SPATS1: variants seen among roughly 807,000 people sequenced by gnomAD.
SPATS1 encodes the protein spermatogenesis-associated serine-rich protein 1.
Under a neutral mutation model 33.6 loss-of-function variants are expected in SPATS1, and 23 were observed. The ratio of observed to expected loss-of-function variants is 0.68; its 90% CI spans 0.49 to 0.97. The LOEUF is 0.97. Ranked by LOEUF, SPATS1 falls within the 50% of genes least tolerant of loss-of-function variation. The pLI, the probability that SPATS1 is intolerant of heterozygous loss-of-function variation, is 0.00. For missense variants in SPATS1, 327 were observed against 361.0 expected (o/e 0.91, Z 0.76); for synonymous variants, 131 against 125.6 (o/e 1.04, Z -0.29).
intron 7 of SPATS1, among the ~76,000 whole-genome samples, chr6:44,373,133 G>T (rs1417271237): frequency 1.3e-5 from 2 of 152,140 alleles, no homozygotes. Flanking sequence ...TTTTTGTAAA[G>T]TTCCTTCTTC....
chr6:44,376,823 C>T (rs1248712873), intron 8 of SPATS1, among the ~76,000 whole-genome samples: 1 of 151,082 alleles, frequency 6.6e-6, no homozygotes, highest in Admixed American at 6.6e-5. Context: ...ACAAACAAAA[C>T]AAAACTGGAG....
At chr6:44,361,729 T>C in intron 4 of SPATS1, 102 bp from the exon 5 acceptor site, 2 of 1,466,958 alleles carry the variant, frequency 1.4e-6, no homozygotes, top group East Asian at 2.3e-5. Context: ...ATTAAAGTTA[T>C]ATAGCCAGAT....
At chr6:44,361,771 A>G in intron 4 of SPATS1, 60 bp from the exon 5 acceptor site, 1 of 1,605,560 alleles carries the variant, frequency 6.2e-7, no homozygotes, top group Non-Finnish European at 8.5e-7. Context: ...GCTTTTTGTC[A>G]TCCAGTTGCA....
intron 3 of SPATS1, among the ~76,000 whole-genome samples, chr6:44,358,492 T>G (rs1788720809): frequency 6.6e-6 from 1 of 152,236 alleles, no homozygotes; most frequent in African/African-American, 2.4e-5. Context: ...TACTTATTGA[T>G]TTTTTATTTG....
At chr6:44,342,963 G>T (rs748871132) in intron 1 of SPATS1, 133 bp from the exon 2 acceptor site, 8 of 1,289,648 alleles carry the variant, frequency 6.2e-6, no homozygotes, top group Non-Finnish European at 8.5e-6. Flanking sequence ...TAAGGCTCCC[G>T]TTTAGAGGCC....
In SPATS1 at chr6:44,380,047, G is replaced by C. The variant is rs558422224; in HGVS notation, c.*2984G>C. 4.7e-4 allele frequency among the ~76,000 whole-genome samples: 71 copies of C among 152,222 alleles called. 1 individual carries two copies. The highest frequency in any genetic ancestry group is 1.7e-3 in the African/African-American group (71 of 41,548). ...CAAAGGCATAGAGAAAGGCCACATG[G>C]GAAAAATATGTGCATATCATAGCTG... On this transcript the variant is annotated 3_prime_UTR_variant, in exon 9 of 9. Transcript: ENST00000674044.
chr6:44,373,765 G>A (rs997788643), intron 7 of SPATS1, among the ~76,000 whole-genome samples: 1 of 152,212 alleles, frequency 6.6e-6, no homozygotes, highest in African/African-American at 2.4e-5. Context: ...ATTACTTATT[G>A]AAAAGGTCCC....
intron 8 of SPATS1, 134 bp downstream of exon 8, chr6:44,376,607 C>T: frequency 1.7e-6 from 1 of 595,808 alleles, no homozygotes; most frequent in Non-Finnish European, 2.9e-6. Context: ...CAAGACAAGC[C>T]TGACCAACAT....
chr6:44,377,998 C>T lies in SPATS1; in HGVS notation c.*935C>T, dbSNP rs1404755330. ...GGTAAAACTTTTCATTTTATTAATA[C>T]CTTTTGGAATGTTTCTCTAATGTTA... On this transcript the variant is annotated 3_prime_UTR_variant, in exon 9 of 9. Coordinates refer to ENST00000674044, the MANE Select transcript of SPATS1 (RefSeq NM_001372081.1). The T allele has an allele frequency of 6.6e-6, 1 of 152,090 alleles. No homozygotes were observed. Among genetic ancestry groups the T allele is most frequent in the African/African-American group, 2.4e-5 (1 of 41,410 alleles). The allele number at this position is 152,090 out of a possible 1,614,324, so 9.4% of individuals were successfully genotyped here. A position where few individuals can be genotyped will look rare whatever the true frequency, so the allele number is the denominator to read the frequency against.
At chr6:44,365,165 G>A (rs147019607) in intron 5 of SPATS1, among the ~76,000 whole-genome samples, 3 of 152,316 alleles carry the variant, frequency 2.0e-5, no homozygotes, top group East Asian at 3.9e-4. Flanking sequence ...AAACTGGAAT[G>A]CAACGCATTA....
chr6:44,369,908 A>AAAATC (rs1313070765), intron 6 of SPATS1, 143 bp from the exon 7 acceptor site: 50 of 432,762 alleles, frequency 1.2e-4, no homozygotes, highest in South Asian at 1.8e-4. Flanking sequence ...AAAATAAAAT[A>AAAATC]AAATCTGCGG....
intron 2 of SPATS1, among the ~76,000 whole-genome samples, chr6:44,352,466 A>C (rs1294147281): frequency 6.6e-6 from 1 of 152,098 alleles, no homozygotes; most frequent in African/African-American, 2.4e-5. Context: ...CTTTTTATGC[A>C]ATCATAGGCA....
At chr6:44,347,811 A>G (rs921092713) in intron 2 of SPATS1, among the ~76,000 whole-genome samples, 6 of 151,886 alleles carry the variant, frequency 4.0e-5, no homozygotes, top group Non-Finnish European at 8.8e-5. Context: ...ATTTTGTTCT[A>G]TTGATTTGTC....
chr6:44,342,867 G>A, intron 1 of SPATS1, 99 bp downstream of exon 1: 1 of 1,300,906 alleles, frequency 7.7e-7, no homozygotes, highest in Non-Finnish European at 1.0e-6. Context: ...GCTGGATGGG[G>A]GCTGCAGCGA....
intron 5 of SPATS1, among the ~76,000 whole-genome samples, chr6:44,364,395 T>C (rs573310316): frequency 6.6e-6 from 1 of 152,338 alleles, no homozygotes; most frequent in East Asian, 1.9e-4. Context: ...CTCCCTCCTT[T>C]TTTCTTGCAA....
chr6:44,374,366 A>G (rs1348307306), intron 7 of SPATS1, among the ~76,000 whole-genome samples: 1 of 152,100 alleles, frequency 6.6e-6, no homozygotes, highest in East Asian at 1.9e-4. Flanking sequence ...TTTGTTGTTA[A>G]TTGTGTCTTT....
intron 5 of SPATS1, among the ~76,000 whole-genome samples, chr6:44,366,265 C>A (rs1380982740): frequency 2.6e-5 from 4 of 152,028 alleles, no homozygotes; most frequent in African/African-American, 9.7e-5. Flanking sequence ...GCTGGGATTA[C>A]AGGCATGTGC....
chr6:44,343,116 T>G lies in SPATS1; in HGVS notation c.21T>G (p.Thr7=). ...CACAGATGAGTCCATCCATGCTCACTGGAAACAGTCCACGGGGCTGCCGTC... is the reference window on the plus strand; with the variant it reads ...CACAGATGAGTCCATCCATGCTCACGGGAAACAGTCCACGGGGCTGCCGTC... The part of the protein sequence containing the change: MSPSML[T]GNSPRGCRLP... The change falls in exon 2 of 9, where the codon ACT becomes ACG. Residue 7 remains threonine (T), a synonymous_variant. Coordinates refer to ENST00000674044, the MANE Select transcript of SPATS1 (RefSeq NM_001372081.1). 6.2e-7 allele frequency: 1 copy of G among 1,614,114 alleles called. No individual in the cohort carries two copies. The highest frequency in any genetic ancestry group is 8.5e-7 in the Non-Finnish European group (1 of 1,180,000).
intron 6 of SPATS1, among the ~76,000 whole-genome samples, 183 bp from the exon 7 acceptor site, chr6:44,369,868 T>A (rs1290514737): frequency 1.6e-5 from 2 of 126,016 alleles, no homozygotes; most frequent in Non-Finnish European, 3.2e-5. Context: ...TGAGACCCTG[T>A]CTCAAAACAT....
Sources: allele counts gnomAD v4.1 joint callset (sites outside exome capture counted in the v4.1 genomes callset), GRCh38; gene constraint gnomAD v4.1.1; transcripts MANE v1.5; gene names NCBI Gene and HGNC (gene_info 2026-07-23, HGNC 2026-07-21).